Variants in NUP93 observed in about 807,000 individuals in gnomAD.
NUP93 encodes the protein nuclear pore complex protein Nup93.
Under a neutral mutation model 107.8 loss-of-function variants are expected in NUP93, and 55 were observed. The ratio of observed to expected loss-of-function variants is 0.51; its 90% CI spans 0.41 to 0.64. The LOEUF is 0.64. Ranked by LOEUF, NUP93 falls within the 30% of genes least tolerant of loss-of-function variation. The pLI, the probability that NUP93 is intolerant of heterozygous loss-of-function variation, is 0.00. For missense variants in NUP93, 937 were observed against 1,044.7 expected (o/e 0.90, Z 1.42); for synonymous variants, 390 against 397.5 (o/e 0.98, Z 0.22).
At chr16:56,806,361 A>T (rs1345462988) in intron 5 of NUP93, among the ~76,000 whole-genome samples, 4 of 152,118 alleles carry the variant, frequency 2.6e-5, no homozygotes, top group Middle Eastern at 3.4e-3. Context: ...ACTCTGGTAC[A>T]AATCACTGTC....
chr16:56,734,214 G>A (rs747376382), intron 1 of NUP93, among the ~76,000 whole-genome samples: 1 of 152,226 alleles, frequency 6.6e-6, no homozygotes, highest in Non-Finnish European at 1.5e-5. Flanking sequence ...TTTAGCTGGG[G>A]TGTGCTGAGA....
rs1465056954 is a variant in NUP93 at position 56,745,417 on chromosome 16, TCTGA to T, written c.-14-2809_-14-2806del. 1.3e-4 allele frequency among the ~76,000 whole-genome samples: 20 copies of T among 152,198 alleles called. No individual in the cohort carries two copies. In the East Asian group the frequency reaches 2.3e-3, roughly 18 times the overall value. ...AGAGATTTAAGCAGGAGGGATGTGA[TCTGA>T]CTGACTGTAAAAGGATCACTGGTTG... On this transcript the variant is annotated intron_variant, in intron 1 of 21. Transcript: ENST00000308159.
chr16:56,847,820 G>T lies in NUP93; in HGVS notation c.*3211G>T, dbSNP rs555668226. ...GATGCAGACCCAGCTCCTGTCCTCC[G>T]CGAACTTACAGTCTAATTAGAGCCT... On this transcript the variant is annotated 3_prime_UTR_variant, in exon 22 of 22. Coordinates refer to ENST00000308159, the MANE Select transcript of NUP93 (RefSeq NM_014669.5). 1.3e-5 allele frequency: 2 copies of T among 152,154 alleles called. No homozygotes were observed. Among genetic ancestry groups the T allele is most frequent in the African/African-American group, 4.8e-5 (2 of 41,426 alleles). 9.4% of individuals were successfully genotyped at this position (152,154 alleles called of 1,614,324 possible).
intron 5 of NUP93, among the ~76,000 whole-genome samples, chr16:56,811,190 T>C (rs957809193): frequency 8.5e-5 from 13 of 152,200 alleles, no homozygotes; most frequent in African/African-American, 2.9e-4. Flanking sequence ...TGCCAAACTG[T>C]TTTCCAAAAT....
intron 6 of NUP93, among the ~76,000 whole-genome samples, chr16:56,819,008 C>T (rs1171180862): frequency 1.3e-5 from 2 of 152,190 alleles, no homozygotes; most frequent in Non-Finnish European, 2.9e-5. Context: ...GTCCCATGTA[C>T]AGTAAAGCTT....
intron 2 of NUP93, among the ~76,000 whole-genome samples, chr16:56,753,970 T>C (rs11643205): frequency 0.057 from 8,622 of 151,074 alleles, 262 homozygotes; most frequent in South Asian, 0.12. Flanking sequence ...GTTTACTATT[T>C]TAATTTTTTT....
Position 56,829,021 on chromosome 16 carries a change from A to T in NUP93, c.839A>T (p.Gln280Leu). 6.2e-7 allele frequency: 1 copy of T among 1,613,772 alleles called. No homozygotes were observed. The highest frequency in any genetic ancestry group is 8.5e-7 in the Non-Finnish European group (1 of 1,179,916). ...TLVTVFGNLH[Q>L]AQLGGVPGTY... The stretch of plus-strand genomic sequence containing the variant: ...GTGACTGTCTTTGGAAATTTGCATC[A>T]GGCCCAGCTGGGCGGGGTGCCTGGG... The change falls in exon 9 of 22, where the codon CAG becomes CTG. Residue 280 changes from glutamine to leucine, a missense_variant. Coordinates refer to ENST00000308159, the MANE Select transcript of NUP93 (RefSeq NM_014669.5).
intron 3 of NUP93, among the ~76,000 whole-genome samples, chr16:56,795,013 A>T (rs1962864835): frequency 6.6e-6 from 1 of 151,564 alleles, no homozygotes; most frequent in Non-Finnish European, 1.5e-5. Context: ...AGCCCAGAGA[A>T]GGAATATGAC....
intron 3 of NUP93, among the ~76,000 whole-genome samples, chr16:56,795,529 A>G (rs539353498): frequency 2.9e-4 from 44 of 152,292 alleles, no homozygotes; most frequent in African/African-American, 1.0e-3. Context: ...TATTAGGCAA[A>G]TGACCATGCC....
intron 3 of NUP93, among the ~76,000 whole-genome samples, chr16:56,785,469 C>G (rs918150901): frequency 6.6e-6 from 1 of 152,158 alleles, no homozygotes; most frequent in Non-Finnish European, 1.5e-5. Flanking sequence ...CTTCAGTTTT[C>G]TCATGAAATT....
intron 8 of NUP93, among the ~76,000 whole-genome samples, chr16:56,825,703 T>C (rs1465730687): frequency 2.6e-5 from 4 of 152,178 alleles, no homozygotes; most frequent in African/African-American, 7.2e-5. Context: ...AAAAATTATC[T>C]TGTTCCATTA....
Position 56,844,603 on chromosome 16 carries a change from G to C in NUP93, c.2454G>C (p.Met818Ile). The C allele has an allele frequency of 6.3e-7, 1 of 1,591,070 alleles. No individual in the cohort carries two copies. Among genetic ancestry groups the C allele is most frequent in the Non-Finnish European group, 8.6e-7 (1 of 1,168,536 alleles). Residue 818 changes from methionine (M) to isoleucine (I), a missense_variant, in exon 22 of 22, where the codon ATG becomes ATC. Physicochemically the swap from Met to Ile is conservative, Grantham distance 10. Transcript: ENST00000308159. Reference sequence around the variant, plus strand: ...GGCTGGTGCAGATGGAGGTCCTCATGAATTAAGTGCCATGCTTTGTGGGAG... The same window carrying C: ...GGCTGGTGCAGATGGAGGTCCTCATCAATTAAGTGCCATGCTTTGTGGGAG... ...NARLVQMEVL[M>I]N is the part of the protein sequence containing the mutation.
At chr16:56,753,819 T>G (rs1185412191) in intron 2 of NUP93, among the ~76,000 whole-genome samples, 1 of 152,064 alleles carries the variant, frequency 6.6e-6, no homozygotes, top group East Asian at 1.9e-4. Context: ...CAAACACAAC[T>G]TTAAAAGTTG....
intron 5 of NUP93, among the ~76,000 whole-genome samples, chr16:56,810,034 A>G (rs1963279505): frequency 6.6e-6 from 1 of 152,194 alleles, no homozygotes; most frequent in Non-Finnish European, 1.5e-5. Flanking sequence ...TTTGGATGTA[A>G]TTATAAATTG....
chr16:56,835,614 T>C (rs1196527481), intron 16 of NUP93, among the ~76,000 whole-genome samples: 1 of 152,192 alleles, frequency 6.6e-6, no homozygotes, highest in African/African-American at 2.4e-5. Context: ...TAAGACCTTA[T>C]CCTCTGCTAC....
intron 20 of NUP93, 196 bp from the exon 21 acceptor site, chr16:56,841,509 G>A (rs1964024453): frequency 3.3e-6 from 2 of 603,434 alleles, no homozygotes; most frequent in Non-Finnish European, 5.7e-6. Context: ...GACCTGAGCA[G>A]CATTGCTTGG....
At chr16:56,749,093 G>A (rs1460215305) in intron 2 of NUP93, among the ~76,000 whole-genome samples, 2 of 152,168 alleles carry the variant, frequency 1.3e-5, no homozygotes, top group African/African-American at 4.8e-5. Context: ...CCACAAACGT[G>A]TTTAAGGTCC....
At chr16:56,761,728 C>G (rs1962130582) in intron 3 of NUP93, among the ~76,000 whole-genome samples, 1 of 152,192 alleles carries the variant, frequency 6.6e-6, no homozygotes, top group Non-Finnish European at 1.5e-5. Flanking sequence ...GTTTGCATTA[C>G]TTATAAGCTT....
At position 56,830,689 on chromosome 16, in the gene NUP93, T is replaced by C; in HGVS notation, c.1085+4T>C. On this transcript the variant is annotated splice_donor_region_variant and intron_variant, in intron 10 of 21. Transcript: ENST00000308159. Reference sequence around the variant, plus strand: ...ACATGAACAGCAAGGACAGAAGGTATGGTGAATGAGGTGGCACGCCCAGGG... The same window carrying C: ...ACATGAACAGCAAGGACAGAAGGTACGGTGAATGAGGTGGCACGCCCAGGG... 6.4e-7 allele frequency: 1 copy of C among 1,558,746 alleles called. No individual in the cohort carries two copies. The highest frequency in any genetic ancestry group is 8.8e-7 in the Non-Finnish European group (1 of 1,140,716).
Sources: gnomAD v4.1 joint callset for allele counts (sites outside exome capture counted in the v4.1 genomes callset) on GRCh38, gnomAD v4.1.1 for gene constraint, MANE v1.5 for transcripts, NCBI Gene and HGNC (gene_info 2026-07-23, HGNC 2026-07-21) for gene names.